The following COL25A1 variants were observed in gnomAD, a reference collection of about 807,000 sequenced individuals.
COL25A1 encodes the protein collagen type XXV alpha 1 chain.
Under a neutral mutation model 128.4 loss-of-function variants are expected in COL25A1, and 103 were observed. That is an observed-to-expected ratio of 0.80 (90% CI 0.68 to 0.94). The LOEUF is 0.94. COL25A1 is among the 40% of genes least tolerant of loss of function. The pLI, the probability that COL25A1 is intolerant of heterozygous loss-of-function variation, is 0.00. For missense variants in COL25A1, 745 were observed against 840.0 expected (o/e 0.89, Z 1.40); for synonymous variants, 279 against 277.2 (o/e 1.01, Z -0.06).
At chr4:109,034,477 T>C (rs1415766855) in intron 5 of COL25A1, among the ~76,000 whole-genome samples, 1 of 152,218 alleles carries the variant, frequency 6.6e-6, no homozygotes. Flanking sequence ...ATTCATTGTC[T>C]CCACGTTCAT....
intron 5 of COL25A1, among the ~76,000 whole-genome samples, chr4:109,017,412 G>T (rs1458846770): frequency 6.6e-6 from 1 of 152,182 alleles, no homozygotes; most frequent in Non-Finnish European, 1.5e-5. Flanking sequence ...TCAAGCAAAG[G>T]TGCCACTGGC....
chr4:108,909,062 C>T (rs564665533), intron 13 of COL25A1, among the ~76,000 whole-genome samples: 1 of 152,258 alleles, frequency 6.6e-6, no homozygotes, highest in African/African-American at 2.4e-5. Flanking sequence ...AGTATTCCAG[C>T]CCCTCTCATC....
At chr4:109,177,823 G>A (rs997923817) in intron 3 of COL25A1, among the ~76,000 whole-genome samples, 13 of 152,166 alleles carry the variant, frequency 8.5e-5, no homozygotes, top group Admixed American at 3.3e-4. Flanking sequence ...TTAAATTTGC[G>A]TTTAGGGGTG....
intron 3 of COL25A1, among the ~76,000 whole-genome samples, chr4:109,175,361 C>T (rs1773991477): frequency 6.6e-6 from 1 of 152,168 alleles, no homozygotes; most frequent in East Asian, 1.9e-4. Flanking sequence ...ATCTATACCA[C>T]TCAATGAATA....
chr4:108,993,411 A>C (rs1438757183), intron 6 of COL25A1, among the ~76,000 whole-genome samples: 1 of 152,156 alleles, frequency 6.6e-6, no homozygotes, highest in Admixed American at 6.5e-5. Context: ...AACATACCAC[A>C]TTTTCTTTAT....
chr4:109,180,436 T>C (rs1774519114), intron 3 of COL25A1, among the ~76,000 whole-genome samples: 1 of 152,088 alleles, frequency 6.6e-6, no homozygotes, highest in African/African-American at 2.4e-5. Context: ...TTATAGAGAG[T>C]TGGACAAGCT....
chr4:109,095,407 G>A (rs1765309214), intron 3 of COL25A1, among the ~76,000 whole-genome samples: 1 of 152,050 alleles, frequency 6.6e-6, no homozygotes, highest in Admixed American at 6.5e-5. Context: ...AAAAACTTTG[G>A]GAAACTCATT....
rs541268509 is a variant in COL25A1 at position 108,961,442 on chromosome 4, A to G, written c.492+12925T>C. ...TCTTAATATAAGAAGTAATTCATAA[A>G]TCTTGCAAAAGGCAATCCAAAACGT... On this transcript the variant is annotated intron_variant, in intron 8 of 37. Coordinates refer to ENST00000399132, the MANE Select transcript of COL25A1 (RefSeq NM_198721.4). Among the ~76,000 whole-genome samples the G allele has an allele frequency of 2.0e-5, 3 of 152,336 alleles. No homozygotes were observed. The East Asian group carries it at 5.8e-4, about 29-fold the overall frequency.
chr4:109,220,316 C>T (rs919364587), intron 3 of COL25A1, among the ~76,000 whole-genome samples: 8 of 152,232 alleles, frequency 5.3e-5, no homozygotes, highest in South Asian at 4.1e-4. Flanking sequence ...CTTGAGATTA[C>T]GCAGACATCC....
At chr4:108,869,045 GAAAGAA>G in intron 20 of COL25A1, 37 bp downstream of exon 20, 1 of 1,230,244 alleles carries the variant, frequency 8.1e-7, no homozygotes, top group Non-Finnish European at 1.2e-6. Flanking sequence ...AGAAAAGAAA[GAAAGAA>G]AAAGAAAGAA....
At chr4:109,015,602 G>A (rs1405158) in intron 5 of COL25A1, among the ~76,000 whole-genome samples, 77,710 of 152,012 alleles carry the variant, frequency 0.51, 22,608 homozygotes, top group African/African-American at 0.78. Context: ...CTCACTGTAC[G>A]TCAACAGCTA....
At chr4:109,223,760 A>G (rs1778589468) in intron 3 of COL25A1, among the ~76,000 whole-genome samples, 1 of 152,192 alleles carries the variant, frequency 6.6e-6, no homozygotes, top group African/African-American at 2.4e-5. Context: ...TTAACAAAAC[A>G]TCTTGCATCT....
At position 108,817,387 on chromosome 4, in the gene COL25A1, T is replaced by G; in HGVS notation, c.1962+10A>C. Reference sequence around the variant, plus strand: ...GTGCTTCTTTTGAGAAATTATTCAGTAAAGCCTACCTTTTGCCAACAGCCA... The same window carrying G: ...GTGCTTCTTTTGAGAAATTATTCAGGAAAGCCTACCTTTTGCCAACAGCCA... On this transcript the variant is annotated intron_variant, in intron 37 of 37. Transcript: ENST00000399132. The G allele has an allele frequency of 6.2e-7, 1 of 1,613,076 alleles. No individual in the cohort carries two copies.
At chr4:109,063,672 CTAA>C (rs1384474883) in intron 3 of COL25A1, among the ~76,000 whole-genome samples, 1 of 151,994 alleles carries the variant, frequency 6.6e-6, no homozygotes, top group Non-Finnish European at 1.5e-5. Flanking sequence ...GACCTTGTCT[CTAA>C]TAATAATAAT....
chr4:109,128,430 C>T (rs986398626), intron 3 of COL25A1, among the ~76,000 whole-genome samples: 1 of 152,150 alleles, frequency 6.6e-6, no homozygotes, highest in Non-Finnish European at 1.5e-5. Flanking sequence ...TCTTTCAATC[C>T]ACCTATGACC....
intron 3 of COL25A1, among the ~76,000 whole-genome samples, chr4:109,197,480 TATATA>T (rs1776204929): frequency 3.4e-5 from 4 of 117,786 alleles, no homozygotes; most frequent in Admixed American, 3.2e-4. Context: ...TAATATATAT[TATATA>T]TTATATATAA....
At chr4:108,996,416 A>G (rs1383208876) in intron 6 of COL25A1, among the ~76,000 whole-genome samples, 1 of 152,296 alleles carries the variant, frequency 6.6e-6, no homozygotes, top group African/African-American at 2.4e-5. Flanking sequence ...CAACATGAAG[A>G]GCTAACTATC....
chr4:108,899,011 A>ATATCTATATATCTATC lies in COL25A1; in HGVS notation c.861+142_861+143insGATAGATATATAGATA, dbSNP rs1553963412. The ATATCTATATATCTATC allele has an allele frequency of 2.3e-3, 1,335 of 586,000 alleles. 23 individuals are homozygous for ATATCTATATATCTATC. Among genetic ancestry groups the ATATCTATATATCTATC allele is most frequent in the African/African-American group, 0.023 (1,193 of 52,834 alleles). The allele number at this position is 586,000 out of a possible 1,614,324, so 36.3% of individuals were successfully genotyped here. ...TATATCTATATATCTATATATCTAT[A>ATATCTATATATCTATC]TACCTACCTACCTACCTATTAATCT... On this transcript the variant is annotated intron_variant, in intron 15 of 37. Coordinates refer to ENST00000399132, the MANE Select transcript of COL25A1 (RefSeq NM_198721.4).
chr4:109,280,025 G>T (rs572295598), intron 3 of COL25A1, among the ~76,000 whole-genome samples: 21 of 152,324 alleles, frequency 1.4e-4, no homozygotes, highest in African/African-American at 5.1e-4. Flanking sequence ...GGAAACTAGA[G>T]TTCCTGGAGC....
Sources: gnomAD v4.1 joint callset for allele counts (sites outside exome capture counted in the v4.1 genomes callset) on GRCh38, gnomAD v4.1.1 for gene constraint, MANE v1.5 for transcripts, NCBI Gene and HGNC (gene_info 2026-07-23, HGNC 2026-07-21) for gene names.